The following KLHL20 variants were observed in gnomAD, a reference collection of about 807,000 sequenced individuals.
KLHL20 encodes kelch-like protein 20.
In KLHL20, 29 loss-of-function variants were observed where a neutral mutation model predicts 69.5. That is an observed-to-expected ratio of 0.42 (90% CI 0.31 to 0.57). The LOEUF is 0.57. Ranked by LOEUF, KLHL20 falls within the 20% of genes least tolerant of loss-of-function variation. KLHL20 has a pLI of 0.18. For synonymous variants in KLHL20, 253 were observed against 265.2 expected, an observed-to-expected ratio of 0.95 and a Z score of 0.45; for missense variants, 419 against 776.0, an observed-to-expected ratio of 0.54 and a Z score of 5.47.
At position 173,758,228 on chromosome 1, in the gene KLHL20, G is replaced by A. The variant is rs558169722; in HGVS notation, c.1151+1069G>A. The stretch of plus-strand genomic sequence containing the variant: ...AAAGGTTGCCATGAGATGAGATTGC[G>A]CCATTGCACTCTAGTCTGGGTGACA... On this transcript the variant is annotated intron_variant, in intron 7 of 11. Coordinates refer to ENST00000209884, the MANE Select transcript of KLHL20 (RefSeq NM_014458.4). 3.3e-4 allele frequency among the ~76,000 whole-genome samples: 50 copies of A among 151,556 alleles called. No homozygotes were observed. The East Asian group carries it at 7.4e-3, about 22-fold the overall frequency.
chr1:173,755,004 A>T (rs1263139912), intron 5 of KLHL20, among the ~76,000 whole-genome samples: 2 of 150,990 alleles, frequency 1.3e-5, no homozygotes. Flanking sequence ...CTATAGTATT[A>T]TTTGTAGGAA....
At chr1:173,752,956 T>C (rs1673375982) in intron 4 of KLHL20, among the ~76,000 whole-genome samples, 1 of 151,964 alleles carries the variant, frequency 6.6e-6, no homozygotes, top group Non-Finnish European at 1.5e-5. Context: ...TCACTTGAGC[T>C]CAGGTGTTTG....
chr1:173,768,883 A>G (rs1173080055), intron 8 of KLHL20, among the ~76,000 whole-genome samples: 1 of 152,222 alleles, frequency 6.6e-6, no homozygotes, highest in Non-Finnish European at 1.5e-5. Context: ...CCTGCATGAT[A>G]TTAGTATCTT....
At chr1:173,764,816 A>G (rs1294065164) in intron 7 of KLHL20, among the ~76,000 whole-genome samples, 1 of 152,156 alleles carries the variant, frequency 6.6e-6, no homozygotes, top group Non-Finnish European at 1.5e-5. Context: ...AATAACCACT[A>G]AAGAACTTAC....
intron 7 of KLHL20, among the ~76,000 whole-genome samples, chr1:173,764,598 T>G (rs907334249): frequency 6.6e-6 from 1 of 152,188 alleles, no homozygotes; most frequent in African/African-American, 2.4e-5. Flanking sequence ...GATTAGAGAC[T>G]ATTATTCTAA....
At chr1:173,723,965 C>T (rs1671830437) in intron 2 of KLHL20, among the ~76,000 whole-genome samples, 2 of 152,084 alleles carry the variant, frequency 1.3e-5, no homozygotes, top group African/African-American at 2.4e-5. Flanking sequence ...TAAACATATA[C>T]TTCATAGATT....
At chr1:173,723,145 T>C (rs528803108) in intron 2 of KLHL20, among the ~76,000 whole-genome samples, 1 of 152,362 alleles carries the variant, frequency 6.6e-6, no homozygotes, top group African/African-American at 2.4e-5. Flanking sequence ...CAGCATGCAG[T>C]GTCAGTATTC....
At chr1:173,729,816 G>A (rs528803207) in intron 2 of KLHL20, among the ~76,000 whole-genome samples, 60 of 152,272 alleles carry the variant, frequency 3.9e-4, no homozygotes, top group African/African-American at 1.3e-3. Flanking sequence ...CACAAGACAG[G>A]GATGCCCTCT....
intron 5 of KLHL20, among the ~76,000 whole-genome samples, chr1:173,753,834 T>A (rs1303040583): frequency 6.6e-6 from 1 of 152,202 alleles, no homozygotes; most frequent in African/African-American, 2.4e-5. Context: ...AACTCTTAAC[T>A]ACTTTTTCAA....
chr1:173,729,423 AAG>A (rs994776172), intron 2 of KLHL20, among the ~76,000 whole-genome samples: 10 of 152,178 alleles, frequency 6.6e-5, no homozygotes, highest in African/African-American at 1.7e-4. Context: ...ACAACCAAAA[AAG>A]AGAATTTTAG....
chr1:173,782,451 A>G (rs1225186385), intron 11 of KLHL20, among the ~76,000 whole-genome samples: 1 of 152,116 alleles, frequency 6.6e-6, no homozygotes, highest in Non-Finnish European at 1.5e-5. Context: ...TTATAATTAG[A>G]GATGGGTAAA....
At chr1:173,743,538 TAAAA>T (rs200554676) in intron 3 of KLHL20, among the ~76,000 whole-genome samples, 22 of 148,804 alleles carry the variant, frequency 1.5e-4, no homozygotes, top group Non-Finnish European at 2.5e-4. Context: ...GTGGTGATTT[TAAAA>T]AAAAAAAAAC....
chr1:173,786,619 T>C lies in KLHL20; in HGVS notation c.*1372T>C, dbSNP rs1225805588. On this transcript the variant is annotated 3_prime_UTR_variant, in exon 12 of 12. Coordinates refer to ENST00000209884, the MANE Select transcript of KLHL20 (RefSeq NM_014458.4). ...AAAAAGTATTGAGTAAACAATTGTT[T>C]ACATATATCATTTATGCTTTTTTCT... The C allele has an allele frequency of 6.6e-6, 1 of 152,622 alleles. No homozygotes were observed. Among genetic ancestry groups the C allele is most frequent in the Non-Finnish European group, 1.5e-5 (1 of 68,002 alleles). 9.5% of individuals were successfully genotyped at this position (152,622 alleles called of 1,614,324 possible).
chr1:173,753,998 A>G (rs1673424207), intron 5 of KLHL20, among the ~76,000 whole-genome samples: 1 of 152,220 alleles, frequency 6.6e-6, no homozygotes, highest in Non-Finnish European at 1.5e-5. Flanking sequence ...CATGTCCCAA[A>G]TATAAAAGTG....
intron 2 of KLHL20, among the ~76,000 whole-genome samples, chr1:173,732,559 A>G (rs1672337438): frequency 6.6e-6 from 1 of 152,208 alleles, no homozygotes; most frequent in African/African-American, 2.4e-5. Flanking sequence ...ATGCTTAACT[A>G]AATGAAATGT....
rs138259792 is a variant in KLHL20, at chr1:173,753,460, G to A, written c.851+153G>A. Among the ~76,000 whole-genome samples the A allele has an allele frequency of 2.6e-5, 4 of 152,296 alleles. No homozygotes were observed. In the East Asian group the frequency reaches 7.7e-4, roughly 29 times the overall value. ...GTTTTCTTCTGGGCTAGAGTCAAGA[G>A]GAGGAAAAGAAGAAGAGAGAACTGA... On this transcript the variant is annotated intron_variant, in intron 5 of 11. Transcript: ENST00000209884.
At chr1:173,726,937 A>G (rs1280758010) in intron 2 of KLHL20, among the ~76,000 whole-genome samples, 1 of 152,212 alleles carries the variant, frequency 6.6e-6, no homozygotes, top group Admixed American at 6.5e-5. Context: ...GCTTCAGACT[A>G]TCAAACTTCT....
intron 8 of KLHL20, 149 bp from the exon 9 acceptor site, chr1:173,774,156 C>T: frequency 1.1e-6 from 1 of 894,372 alleles, no homozygotes. Context: ...AGACGTTTTT[C>T]TAATGACTAA....
intron 7 of KLHL20, 118 bp from the exon 8 acceptor site, chr1:173,766,028 T>G (rs574225630): frequency 2.7e-6 from 2 of 737,952 alleles, no homozygotes; most frequent in East Asian, 6.3e-5. Context: ...TTATTATTAA[T>G]CAGCCCATAC....
Sources: allele counts gnomAD v4.1 joint callset (sites outside exome capture counted in the v4.1 genomes callset), GRCh38; gene constraint gnomAD v4.1.1; transcripts MANE v1.5; gene names NCBI Gene and HGNC (gene_info 2026-07-23, HGNC 2026-07-21).